ZBTB40: variants seen among roughly 807,000 people sequenced by gnomAD.
ZBTB40 encodes zinc finger and BTB domain-containing protein 40.
In ZBTB40, 60 loss-of-function variants were observed where a neutral mutation model predicts 117.5. The observed-to-expected ratio is 0.51, with a 90% confidence interval of 0.41 to 0.63. ZBTB40 has a LOEUF of 0.63. Ranked by LOEUF, ZBTB40 falls within the 30% of genes least tolerant of loss-of-function variation. ZBTB40 has a pLI of 0.00. For synonymous variants in ZBTB40, 525 were observed against 577.1 expected (o/e 0.91, Z 1.29); for missense variants, 1,287 against 1,498.5 (o/e 0.86, Z 2.33).
chr1:22,431,509 G>C (rs971136281), intron 1 of ZBTB40, among the ~76,000 whole-genome samples: 3 of 151,162 alleles, frequency 2.0e-5, no homozygotes, highest in African/African-American at 4.9e-5. Context: ...GAGACCAAGG[G>C]GGGTGGGTCA....
intron 17 of ZBTB40, among the ~76,000 whole-genome samples, 161 bp downstream of exon 17, chr1:22,524,605 G>A (rs953417473): frequency 1.3e-5 from 2 of 152,164 alleles, no homozygotes; most frequent in Non-Finnish European, 2.9e-5. Context: ...TAGTCTCCTG[G>A]TGGCCACATG....
chr1:22,450,603 G>C (rs917767431), upstream of ZBTB40, among the ~76,000 whole-genome samples: 33 of 152,244 alleles, frequency 2.2e-4, no homozygotes, highest in African/African-American at 7.9e-4. Flanking sequence ...GAAAACAACA[G>C]AAAGGGCAAC....
intron 1 of ZBTB40, among the ~76,000 whole-genome samples, chr1:22,429,864 G>A (rs189249320): frequency 3.9e-4 from 59 of 152,224 alleles, no homozygotes; most frequent in African/African-American, 1.3e-3. Flanking sequence ...GCATGGTGGC[G>A]CACACCTGTA....
chr1:22,453,539 A>C (rs1266793297), intron 1 of ZBTB40, among the ~76,000 whole-genome samples: 2 of 152,212 alleles, frequency 1.3e-5, no homozygotes, highest in Admixed American at 1.3e-4. Context: ...GCATCATCAT[A>C]ATAAAATTAT....
intron 1 of ZBTB40, among the ~76,000 whole-genome samples, chr1:22,476,588 T>A (rs1641554069): frequency 6.6e-6 from 1 of 152,252 alleles, no homozygotes; most frequent in Non-Finnish European, 1.5e-5. Flanking sequence ...TTCTTTGTGC[T>A]CCTTTTGGAA....
At chr1:22,480,140 G>A (rs549940266) in intron 1 of ZBTB40, among the ~76,000 whole-genome samples, 28 of 151,866 alleles carry the variant, frequency 1.8e-4, no homozygotes, top group Non-Finnish European at 3.8e-4. Context: ...TCCTGACCTC[G>A]AGTGATCCAC....
chr1:22,518,515 T>C (rs1639434958), intron 13 of ZBTB40, among the ~76,000 whole-genome samples: 1 of 152,186 alleles, frequency 6.6e-6, no homozygotes, highest in Non-Finnish European at 1.5e-5. Context: ...CTTTTTTGCA[T>C]GCCCTGCATC....
intron 1 of ZBTB40, among the ~76,000 whole-genome samples, chr1:22,445,590 G>A (rs1640779082): frequency 6.6e-6 from 1 of 152,170 alleles, no homozygotes; most frequent in Non-Finnish European, 1.5e-5. Flanking sequence ...AGGCACGATG[G>A]TTCATGCCTG....
At chr1:22,503,076 T>C (rs541200202) in intron 5 of ZBTB40, among the ~76,000 whole-genome samples, 1 of 151,234 alleles carries the variant, frequency 6.6e-6, no homozygotes, top group South Asian at 2.1e-4. Context: ...ATACCTATAA[T>C]ATGGATTTCG....
intron 1 of ZBTB40, among the ~76,000 whole-genome samples, chr1:22,465,164 CAGT>C (rs1009124060): frequency 2.0e-5 from 3 of 152,190 alleles, no homozygotes; most frequent in African/African-American, 7.2e-5. Context: ...GTTCAGCTCT[CAGT>C]AGAGAGGAAG....
chr1:22,489,859 G>A, intron 1 of ZBTB40, 21 bp from the exon 2 acceptor site: 2 of 1,248,368 alleles, frequency 1.6e-6, no homozygotes, highest in Non-Finnish European at 2.3e-6. Context: ...TTTTAACCTG[G>A]TATTTTGTGG....
chr1:22,509,168 C>G lies in ZBTB40; in HGVS notation c.1768C>G (p.Gln590Glu). ...TAACCAGTTGATCTTGGAGGCCATCCAACAGAAGATTGAGTACAAGCTCTT... is the reference window on the plus strand; with the variant it reads ...TAACCAGTTGATCTTGGAGGCCATCGAACAGAAGATTGAGTACAAGCTCTT... ...RHNQLILEAI[Q>E]QKIEYKLFTS... Residue 590 changes from glutamine (Q) to glutamate (E), a missense_variant, in exon 9 of 18, where the codon CAA becomes GAA. Gln to Glu is a conservative substitution (Grantham distance 29). Transcript: ENST00000375647. 2 of 1,614,036 alleles carry G rather than the reference C, an allele frequency of 1.2e-6. No homozygotes were observed. The highest frequency in any genetic ancestry group is 1.7e-6 in the Non-Finnish European group (2 of 1,180,004).
At chr1:22,477,823 A>G (rs1251525419) in intron 1 of ZBTB40, among the ~76,000 whole-genome samples, 1 of 151,916 alleles carries the variant, frequency 6.6e-6, no homozygotes, top group Non-Finnish European at 1.5e-5. Context: ...GCTGGGATTA[A>G]CAGGCGTGAG....
At chr1:22,455,910 A>C (rs903516313) in intron 1 of ZBTB40, among the ~76,000 whole-genome samples, 1 of 152,218 alleles carries the variant, frequency 6.6e-6, no homozygotes, top group African/African-American at 2.4e-5. Flanking sequence ...ATTGAAAAAC[A>C]AATTAGTATG....
At chr1:22,505,800 C>A (rs984340352) in intron 5 of ZBTB40, among the ~76,000 whole-genome samples, 2 of 152,070 alleles carry the variant, frequency 1.3e-5, no homozygotes, top group African/African-American at 4.8e-5. Flanking sequence ...CTGTTGGAGG[C>A]AGAGCAGATA....
intron 1 of ZBTB40, among the ~76,000 whole-genome samples, chr1:22,436,453 G>A (rs1477222331): frequency 2.6e-5 from 4 of 152,140 alleles, no homozygotes; most frequent in South Asian, 2.1e-4. Flanking sequence ...CGGAGGTTGC[G>A]GTGAGCCGAG....
chr1:22,512,893 T>C lies in ZBTB40; in HGVS notation c.2462-31T>C, dbSNP rs748752667. 8.1e-6 allele frequency: 13 copies of C among 1,612,114 alleles called. No homozygotes were observed. In the African/African-American group the frequency reaches 1.7e-4, roughly 22 times the overall value. On this transcript the variant is annotated intron_variant, in intron 11 of 17. Coordinates refer to ENST00000375647, the MANE Select transcript of ZBTB40 (RefSeq NM_014870.4). ...TCCTAACACTGATTAGTAGCATCTC[T>C]TCTGGCCTCTGGTGTGCTTGGCTTC...
At chr1:22,521,712 C>T (rs1026261229) in intron 15 of ZBTB40, 54 bp downstream of exon 15, 21 of 1,609,946 alleles carry the variant, frequency 1.3e-5, no homozygotes, top group Non-Finnish European at 1.8e-5. Flanking sequence ...GGTGTAGCCT[C>T]CTGGGCCCCA....
intron 1 of ZBTB40, among the ~76,000 whole-genome samples, chr1:22,483,930 G>T (rs775801067): frequency 2.0e-5 from 3 of 152,134 alleles, no homozygotes; most frequent in Non-Finnish European, 2.9e-5. Context: ...TTTGTGAAGG[G>T]TGTAAGGTCT....
Sources: allele counts gnomAD v4.1 joint callset (sites outside exome capture counted in the v4.1 genomes callset), GRCh38; gene constraint gnomAD v4.1.1; transcripts MANE v1.5; gene names NCBI Gene and HGNC (gene_info 2026-07-23, HGNC 2026-07-21).